Variants in TMEFF2 observed in about 807,000 individuals in gnomAD.
TMEFF2 encodes the protein transmembrane protein with EGF like and two follistatin like domains 2, also known as tomoregulin-2.
Under a neutral mutation model 53.8 loss-of-function variants are expected in TMEFF2, and 28 were observed. That is an observed-to-expected ratio of 0.52 (90% confidence interval 0.39 to 0.71). TMEFF2 has a LOEUF of 0.71. Among genes scored for constraint, TMEFF2 ranks in the 30% least tolerant of loss-of-function variants. The pLI is 0.00. For synonymous variants in TMEFF2, 162 were observed against 166.3 expected (o/e 0.97, Z 0.20); for missense variants, 353 against 455.2 (o/e 0.78, Z 2.04).
chr2:191,994,611 T>C (rs1012120571), intron 7 of TMEFF2, among the ~76,000 whole-genome samples: 4 of 151,862 alleles, frequency 2.6e-5, no homozygotes, highest in Non-Finnish European at 4.4e-5. Flanking sequence ...AAGAAAATGT[T>C]GCAAATTTCA....
intron 4 of TMEFF2, among the ~76,000 whole-genome samples, chr2:192,120,155 C>T (rs540034064): frequency 4.6e-5 from 7 of 152,264 alleles, no homozygotes; most frequent in Middle Eastern, 6.8e-3. Context: ...CAAACCACAG[C>T]CCTGCTAAAT....
At chr2:192,123,814 G>GA (rs1353152217) in intron 4 of TMEFF2, among the ~76,000 whole-genome samples, 1 of 151,882 alleles carries the variant, frequency 6.6e-6, no homozygotes, top group Non-Finnish European at 1.5e-5. Flanking sequence ...TTCCTACTTG[G>GA]AAAAAAAATG....
At chr2:192,095,417 T>C (rs1014149280) in intron 4 of TMEFF2, among the ~76,000 whole-genome samples, 2 of 152,100 alleles carry the variant, frequency 1.3e-5, no homozygotes, top group African/African-American at 2.4e-5. Context: ...CTTGAAGCCA[T>C]GAATTCGAGA....
chr2:191,998,968 G>A lies in TMEFF2; in HGVS notation c.685+92C>T, dbSNP rs969065242. Reference sequence around the variant, plus strand: ...AAATAAGCACTGCATTTTGGAAATGGAATAGCTGCCTAATAAGGAGTTTTC... The same window carrying A: ...AAATAAGCACTGCATTTTGGAAATGAAATAGCTGCCTAATAAGGAGTTTTC... On this transcript the variant is annotated intron_variant, in intron 6 of 9. Coordinates refer to ENST00000272771, the MANE Select transcript of TMEFF2 (RefSeq NM_016192.4). 4 of 1,314,904 alleles carry A rather than the reference G, an allele frequency of 3.0e-6. No homozygotes were observed. The Admixed American group carries it at 6.1e-5, about 20-fold the overall frequency. The allele number at this position is 1,314,904 out of a possible 1,614,324, so 81.5% of individuals were successfully genotyped here. A position where few individuals can be genotyped will look rare whatever the true frequency, so the allele number is the denominator to read the frequency against.
intron 4 of TMEFF2, among the ~76,000 whole-genome samples, chr2:192,153,675 A>T (rs1193256366): frequency 6.6e-6 from 1 of 151,894 alleles, no homozygotes; most frequent in Admixed American, 6.6e-5. Context: ...GGCAGAAATC[A>T]ACACCTGTGG....
intron 7 of TMEFF2, among the ~76,000 whole-genome samples, chr2:191,969,564 G>GA (rs1408339134): frequency 6.6e-6 from 1 of 152,184 alleles, no homozygotes; most frequent in East Asian, 1.9e-4. Context: ...TGAAAGACAA[G>GA]AAGGATATCC....
chr2:192,193,761 T>TAGATAGAG (rs1553534664), intron 1 of TMEFF2, among the ~76,000 whole-genome samples: 5 of 47,826 alleles, frequency 1.0e-4, no homozygotes, highest in African/African-American at 1.4e-4. Context: ...GATAGATAGA[T>TAGATAGAG]AGAGAGAGAG....
At chr2:192,149,057 C>T (rs1344302936) in intron 4 of TMEFF2, among the ~76,000 whole-genome samples, 2 of 151,920 alleles carry the variant, frequency 1.3e-5, no homozygotes, top group Admixed American at 6.6e-5. Context: ...TTCCCCATTT[C>T]CCTCAGTCAC....
At chr2:192,133,354 C>A (rs1215627153) in intron 4 of TMEFF2, among the ~76,000 whole-genome samples, 4 of 152,102 alleles carry the variant, frequency 2.6e-5, no homozygotes, top group Admixed American at 1.3e-4. Flanking sequence ...ATCACGCACC[C>A]CTTACCATCT....
At chr2:192,095,682 C>T (rs4419188) in intron 4 of TMEFF2, among the ~76,000 whole-genome samples, 99,609 of 151,986 alleles carry the variant, frequency 0.66, 32,957 homozygotes, top group East Asian at 0.96. Context: ...ATGATCCTCA[C>T]AATAAACTAA....
intron 7 of TMEFF2, among the ~76,000 whole-genome samples, chr2:191,968,340 T>A (rs1034996107): frequency 2.0e-5 from 3 of 152,036 alleles, no homozygotes; most frequent in Non-Finnish European, 4.4e-5. Flanking sequence ...AGAAGACAAA[T>A]AGAGGAAAAC....
Position 191,998,256 on chromosome 2 carries a change from A to T in TMEFF2, c.745+6T>A, listed in dbSNP as rs1361848946. The T allele has an allele frequency of 4.4e-6, 7 of 1,588,172 alleles. No individual in the cohort carries two copies. In the South Asian group the frequency reaches 8.0e-5, roughly 18 times the overall value. On this transcript the variant is annotated splice_donor_region_variant and intron_variant, in intron 7 of 9. Transcript: ENST00000272771. ...CTCACATTTTGTAGAAGAAAATATT[A>T]TGTACCTGCATAATCTGTTCTTGCA... is the stretch of plus-strand genomic sequence containing the variant.
At chr2:192,082,447 TCATC>T (rs1688575934) in intron 4 of TMEFF2, among the ~76,000 whole-genome samples, 1 of 152,168 alleles carries the variant, frequency 6.6e-6, no homozygotes, top group African/African-American at 2.4e-5. Flanking sequence ...TCTAAAAGAA[TCATC>T]CAATTTTCAA....
chr2:192,168,416 A>G (rs1690823987), intron 4 of TMEFF2, among the ~76,000 whole-genome samples: 1 of 152,144 alleles, frequency 6.6e-6, no homozygotes, highest in Non-Finnish European at 1.5e-5. Flanking sequence ...GGCCAAAGTC[A>G]TTTGGGATTT....
At chr2:192,113,960 G>T (rs1689341346) in intron 4 of TMEFF2, among the ~76,000 whole-genome samples, 2 of 151,916 alleles carry the variant, frequency 1.3e-5, no homozygotes, top group Non-Finnish European at 2.9e-5. Flanking sequence ...TCAAAGTGTG[G>T]CTTTTCACCT....
chr2:192,124,906 G>A lies in TMEFF2; in HGVS notation c.439+54762C>T, dbSNP rs144523541. 1.6e-4 allele frequency among the ~76,000 whole-genome samples: 24 copies of A among 152,030 alleles called. No individual in the cohort carries two copies. The East Asian group carries it at 2.7e-3, about 17-fold the overall frequency. On this transcript the variant is annotated intron_variant, in intron 4 of 9. Transcript: ENST00000272771. ...GGAAAGAGTGGGTATTAGTCACTCCGCAAAACTGTTTTGCCTCTTGTCCCC... is the reference window on the plus strand; with the variant it reads ...GGAAAGAGTGGGTATTAGTCACTCCACAAAACTGTTTTGCCTCTTGTCCCC...
chr2:191,977,903 A>G (rs1346294796), intron 7 of TMEFF2, among the ~76,000 whole-genome samples: 2 of 152,206 alleles, frequency 1.3e-5, no homozygotes, highest in African/African-American at 4.8e-5. Context: ...GAAAAAATGC[A>G]TGGTATTCAT....
chr2:192,059,818 G>A (rs748767056), intron 4 of TMEFF2, among the ~76,000 whole-genome samples: 1 of 152,142 alleles, frequency 6.6e-6, no homozygotes, highest in African/African-American at 2.4e-5. Flanking sequence ...AAAAGAAGCA[G>A]TAGGAATACC....
At chr2:192,042,179 C>A (rs1412331063) in intron 5 of TMEFF2, among the ~76,000 whole-genome samples, 3 of 150,702 alleles carry the variant, frequency 2.0e-5, no homozygotes, top group African/African-American at 7.3e-5. Context: ...CCAGCCTGGG[C>A]AGTAGAGTGA....
Sources: allele counts gnomAD v4.1 joint callset (sites outside exome capture counted in the v4.1 genomes callset), GRCh38; gene constraint gnomAD v4.1.1; transcripts MANE v1.5; gene names NCBI Gene and HGNC (gene_info 2026-07-23, HGNC 2026-07-21).